Variants in HPCAL1 observed in about 807,000 individuals in gnomAD.
HPCAL1 encodes hippocalcin like 1.
In HPCAL1, 8 loss-of-function variants were observed where a neutral mutation model predicts 17.1. The ratio of observed to expected loss-of-function variants is 0.47; its 90% CI spans 0.27 to 0.84. HPCAL1 has a LOEUF of 0.84. Ranked by LOEUF, HPCAL1 falls within the 40% of genes least tolerant of loss-of-function variation. HPCAL1 has a pLI of 0.13. For synonymous variants in HPCAL1, 112 were observed against 111.4 expected, an observed-to-expected ratio of 1.01 and a Z score of -0.03; for missense variants, 165 against 271.1, an observed-to-expected ratio of 0.61 and a Z score of 2.75.
intron 1 of HPCAL1, among the ~76,000 whole-genome samples, chr2:10,318,781 A>C (rs977169545): frequency 4.6e-5 from 7 of 152,192 alleles, no homozygotes; most frequent in African/African-American, 1.7e-4. Context: ...ACTCCCTTGC[A>C]GTGTAATGGG....
At chr2:10,412,969 T>C (rs953513705) in intron 2 of HPCAL1, among the ~76,000 whole-genome samples, 7 of 152,048 alleles carry the variant, frequency 4.6e-5, no homozygotes, top group Non-Finnish European at 1.0e-4. Flanking sequence ...GCAAAGGTAT[T>C]GTACTATTTT....
At chr2:10,335,552 G>A (rs538561222) in intron 1 of HPCAL1, among the ~76,000 whole-genome samples, 5 of 152,360 alleles carry the variant, frequency 3.3e-5, no homozygotes, top group African/African-American at 1.2e-4. Context: ...GTTTTCGGCT[G>A]CTGACTTTTG....
chr2:10,327,935 T>C (rs916825551), intron 1 of HPCAL1, among the ~76,000 whole-genome samples: 2 of 152,264 alleles, frequency 1.3e-5, no homozygotes, highest in African/African-American at 4.8e-5. Context: ...CTGACTGATA[T>C]ATCAGAAGCT....
chr2:10,420,302 T>C (rs116660256), intron 3 of HPCAL1, among the ~76,000 whole-genome samples, 167 bp downstream of exon 3: 2 of 149,518 alleles, frequency 1.3e-5, no homozygotes, highest in Non-Finnish European at 3.0e-5. Flanking sequence ...CTCTGCCTCC[T>C]GGGCTCAGGT....
At chr2:10,375,136 C>T (rs548020729) in intron 1 of HPCAL1, among the ~76,000 whole-genome samples, 7 of 152,150 alleles carry the variant, frequency 4.6e-5, no homozygotes, top group Admixed American at 2.0e-4. Flanking sequence ...GCATTTCCAC[C>T]CACAGTCCTG....
chr2:10,349,667 C>T (rs1161905031), intron 1 of HPCAL1, among the ~76,000 whole-genome samples: 2 of 116,960 alleles, frequency 1.7e-5, no homozygotes, highest in Admixed American at 2.4e-4. Flanking sequence ...CATGCCACTG[C>T]ACTCCAGCCT....
At chr2:10,356,490 G>C (rs1006541619) in intron 1 of HPCAL1, among the ~76,000 whole-genome samples, 16 of 152,252 alleles carry the variant, frequency 1.1e-4, no homozygotes, top group African/African-American at 3.9e-4. Flanking sequence ...CACATCCACT[G>C]TCCCCTTCCA....
chr2:10,305,421 T>C (rs1662558084), intron 1 of HPCAL1, among the ~76,000 whole-genome samples: 1 of 152,228 alleles, frequency 6.6e-6, no homozygotes, highest in African/African-American at 2.4e-5. Context: ...TGAGGTTTTA[T>C]TGGATAATGT....
At chr2:10,385,653 A>G (rs1307250400) in intron 1 of HPCAL1, among the ~76,000 whole-genome samples, 2 of 152,044 alleles carry the variant, frequency 1.3e-5, no homozygotes, top group African/African-American at 4.8e-5. Flanking sequence ...TGGTGTCACT[A>G]ATAGGATTTG....
intron 1 of HPCAL1, among the ~76,000 whole-genome samples, chr2:10,356,818 C>A (rs12618307): frequency 0.5 from 76,295 of 151,884 alleles, 20,233 homozygotes; most frequent in East Asian, 0.81. Context: ...CATGCTTGTG[C>A]CCCTGTGCAT....
chr2:10,350,640 A>T (rs1455769200), intron 1 of HPCAL1, among the ~76,000 whole-genome samples: 1 of 152,208 alleles, frequency 6.6e-6, no homozygotes, highest in East Asian at 1.9e-4. Context: ...ACCGTCAAGA[A>T]AGTGAAGAGA....
chr2:10,396,665 C>T (rs937470617), intron 1 of HPCAL1, among the ~76,000 whole-genome samples, 170 bp from the exon 2 acceptor site: 2 of 152,244 alleles, frequency 1.3e-5, no homozygotes, highest in Non-Finnish European at 2.9e-5. Flanking sequence ...GCATGTGCCC[C>T]TGTCCATGGT....
At chr2:10,422,139 C>G (rs927091940) in intron 3 of HPCAL1, among the ~76,000 whole-genome samples, 55 of 152,196 alleles carry the variant, frequency 3.6e-4, no homozygotes, top group African/African-American at 1.3e-3. Flanking sequence ...GCCCCCAAAC[C>G]AAGTCCCCAA....
intron 1 of HPCAL1, among the ~76,000 whole-genome samples, chr2:10,327,440 T>G (rs888905951): frequency 6.6e-6 from 1 of 152,192 alleles, no homozygotes; most frequent in Non-Finnish European, 1.5e-5. Flanking sequence ...TTCCTGGCCC[T>G]GTGAGCCCCA....
At chr2:10,410,433 C>CTTT (rs1375538450) in intron 2 of HPCAL1, among the ~76,000 whole-genome samples, 2 of 75,940 alleles carry the variant, frequency 2.6e-5, no homozygotes, top group African/African-American at 4.3e-5. Context: ...TTTTCTTCTT[C>CTTT]TTCTTTTTTT....
rs2125497727 is a variant in HPCAL1 at position 10,365,438 on chromosome 2, G to A, written c.-110-31397G>A. Among the ~76,000 whole-genome samples the A allele has an allele frequency of 6.6e-6, 1 of 152,350 alleles. No individual in the cohort carries two copies. Among genetic ancestry groups the A allele is most frequent in the South Asian group, 2.1e-4 (1 of 4,826 alleles). On this transcript the variant is annotated intron_variant, in intron 1 of 4. Transcript: ENST00000307845. The surrounding 1 kb of genome is among the most constrained non-coding windows in gnomAD (Gnocchi z 4.8). ...CAGCTATTTGAACGGACAGCCCGGA[G>A]TCTGTGCAGGAGTTGGAGGTAGAGC... is the stretch of plus-strand genomic sequence containing the variant.
intron 1 of HPCAL1, among the ~76,000 whole-genome samples, chr2:10,389,103 C>T (rs71439005): frequency 0.011 from 1,716 of 152,280 alleles, 9 homozygotes; most frequent in Admixed American, 0.02. Flanking sequence ...TTCCCTAAGA[C>T]GTGCCCACCA....
Position 10,304,496 on chromosome 2 carries a change from C to G in HPCAL1, c.-111+1319C>G, listed in dbSNP as rs1296273924. Among the ~76,000 whole-genome samples, 1 of 152,200 alleles carries G rather than the reference C, an allele frequency of 6.6e-6. No homozygotes were observed. The highest frequency in any genetic ancestry group is 1.5e-5 in the Non-Finnish European group (1 of 68,038). On this transcript the variant is annotated intron_variant, in intron 1 of 4. Coordinates refer to ENST00000307845, the MANE Select transcript of HPCAL1 (RefSeq NM_002149.4). The surrounding 1 kb of genome is among the most constrained non-coding windows in gnomAD (Gnocchi z 4.1). ...GGCATTAGACAACCCCCAGCCCCAGCCCCTGCCATCCCTGCTCCCTTGCAG... is the reference window on the plus strand; with the variant it reads ...GGCATTAGACAACCCCCAGCCCCAGGCCCTGCCATCCCTGCTCCCTTGCAG...
intron 1 of HPCAL1, among the ~76,000 whole-genome samples, chr2:10,380,763 G>T (rs192956040): frequency 6.6e-6 from 1 of 152,048 alleles, no homozygotes; most frequent in African/African-American, 2.4e-5. Context: ...GCCCTTCTGC[G>T]GACTCCCCTG....
Sources: gnomAD v4.1 joint callset for allele counts (sites outside exome capture counted in the v4.1 genomes callset) on GRCh38, gnomAD v4.1.1 for gene constraint, Gnocchi (gnomAD v3.1) non-coding constraint, MANE v1.5 for transcripts, NCBI Gene and HGNC (gene_info 2026-07-23, HGNC 2026-07-21) for gene names.